Variants in NCALD observed in about 807,000 individuals in gnomAD.
NCALD encodes the protein neurocalcin-delta.
In NCALD, 10 loss-of-function variants were observed where a neutral mutation model predicts 18.6. The observed-to-expected ratio is 0.54, with a 90% confidence interval of 0.33 to 0.91. The LOEUF (loss-of-function observed/expected upper bound fraction) is 0.91. NCALD is among the 40% of genes least tolerant of loss of function. The probability of loss-of-function intolerance (pLI) is 0.03; values close to 1 mark genes in which losing one functional copy is unlikely to be tolerated. For missense variants in NCALD, 184 were observed against 247.6 expected (o/e 0.74, Z 1.72); for synonymous variants, 88 against 87.4 (o/e 1.01, Z -0.04).
In NCALD at chr8:101,819,874, C is replaced by T. The variant is rs73275582; in HGVS notation, c.-20+67267G>A. Reference sequence around the variant, plus strand: ...AGGAGCACAGGAGCAAATGAGCTGGCGGACATTCCAGGAGAATTTCAGACA... The same window carrying T: ...AGGAGCACAGGAGCAAATGAGCTGGTGGACATTCCAGGAGAATTTCAGACA... On this transcript the variant is annotated intron_variant, in intron 4 of 6. Coordinates refer to the NCALD transcript ENST00000311028. Among the ~76,000 whole-genome samples, 196 of 152,296 alleles carry T rather than the reference C, an allele frequency of 1.3e-3. 1 individual carries two copies. Among genetic ancestry groups the T allele is most frequent in the African/African-American group, 4.5e-3 (185 of 41,564 alleles).
At chr8:101,755,879 C>T (rs1427966687) in intron 1 of NCALD, among the ~76,000 whole-genome samples, 1 of 152,116 alleles carries the variant, frequency 6.6e-6, no homozygotes, top group African/African-American at 2.4e-5. Flanking sequence ...ACTCTTTTAC[C>T]AGTGAAAACA....
At chr8:102,081,109 C>T (rs16869057) in intron 1 of NCALD, among the ~76,000 whole-genome samples, 13,314 of 152,136 alleles carry the variant, frequency 0.088, 776 homozygotes, top group South Asian at 0.15. Context: ...TCCCCAAGTT[C>T]GAGAACTACT....
intron 3 of NCALD, among the ~76,000 whole-genome samples, chr8:101,900,434 A>G (rs150872155): frequency 1.7e-3 from 263 of 152,052 alleles, no homozygotes; most frequent in African/African-American, 5.8e-3. Context: ...TTCTTCAGAT[A>G]GGAGCTCAGA....
At chr8:102,101,082 C>A (rs1455194625) in intron 1 of NCALD, among the ~76,000 whole-genome samples, 1 of 152,164 alleles carries the variant, frequency 6.6e-6, no homozygotes, top group African/African-American at 2.4e-5. Context: ...ATACCACGAC[C>A]AGCAACAAAA....
chr8:101,705,665 G>A lies in NCALD; in HGVS notation c.379-12769C>T, dbSNP rs1041845924. The stretch of plus-strand genomic sequence containing the variant: ...CATAAAAGGAGATACAGCTCTGCCT[G>A]GTTCTCTTTCTTGGGACCTGCAGTT... On this transcript the variant is annotated intron_variant, in intron 2 of 3. Transcript: ENST00000220931. Among the ~76,000 whole-genome samples the A allele has an allele frequency of 3.3e-5, 5 of 152,156 alleles. 1 individual carries two copies.
intron 1 of NCALD, among the ~76,000 whole-genome samples, chr8:102,049,241 G>T (rs1823347302): frequency 6.6e-6 from 1 of 152,202 alleles, no homozygotes; most frequent in Non-Finnish European, 1.5e-5. Context: ...ATCCGAGGAT[G>T]CAGAGTGAAG....
At chr8:101,999,363 T>C (rs1388783841) in intron 2 of NCALD, among the ~76,000 whole-genome samples, 1 of 152,186 alleles carries the variant, frequency 6.6e-6, no homozygotes, top group South Asian at 2.1e-4. Context: ...AGTAATGGCA[T>C]TCACAGCAAC....
At position 102,100,005 on chromosome 8, in the gene NCALD, G is replaced by GAAGAAA. The variant is rs1554596979; in HGVS notation, c.-210+24226_-210+24231dup. 3.8e-3 allele frequency among the ~76,000 whole-genome samples: 551 copies of GAAGAAA among 146,624 alleles called. 7 individuals are homozygous for GAAGAAA. Among genetic ancestry groups the GAAGAAA allele is most frequent in the African/African-American group, 8.4e-3 (331 of 39,264 alleles). Reference sequence around the variant, plus strand: ...TCAAAAAAAAAAAAAAGAAGAAGAAGAAGAAAAAGAAATAGCAGTCTCTGA... The same window carrying GAAGAAA: ...TCAAAAAAAAAAAAAAGAAGAAGAAGAAGAAAAAGAAAAAGAAATAGCAGTCTCTGA... On this transcript the variant is annotated intron_variant, in intron 1 of 6. Coordinates refer to the NCALD transcript ENST00000311028.
chr8:101,861,535 T>C (rs1164239500), intron 4 of NCALD, among the ~76,000 whole-genome samples: 2 of 151,296 alleles, frequency 1.3e-5, no homozygotes, highest in African/African-American at 2.4e-5. Flanking sequence ...TTTAAGACCA[T>C]ATATGTGATA....
intron 3 of NCALD, among the ~76,000 whole-genome samples, chr8:101,898,069 C>G (rs1388227925): frequency 6.6e-6 from 1 of 152,180 alleles, no homozygotes; most frequent in East Asian, 1.9e-4. Context: ...TTTGCTTCCC[C>G]TTCAGCCATG....
At chr8:101,887,174 G>GCCTT (rs1401225012) in exon 4 of NCALD, 1 of 152,070 alleles carries the variant, frequency 6.6e-6, no homozygotes, top group Admixed American at 6.6e-5. Context: ...GGATCTCGGG[G>GCCTT]CCTTCCTCGG....
chr8:102,057,240 T>A (rs1409720808), intron 1 of NCALD, among the ~76,000 whole-genome samples: 1 of 143,820 alleles, frequency 7.0e-6, no homozygotes, highest in Non-Finnish European at 1.5e-5. Flanking sequence ...CATTCTCCCT[T>A]CTACTTGGCT....
At position 101,951,961 on chromosome 8, in the gene NCALD, G is replaced by C. The variant is rs957290375; in HGVS notation, c.-156-36103C>G. Among the ~76,000 whole-genome samples the C allele has an allele frequency of 3.3e-5, 5 of 152,378 alleles. No individual in the cohort carries two copies. The East Asian group carries it at 7.7e-4, about 23-fold the overall frequency. ...AGCCATGCCTGGACTAAGCGAGAGA[G>C]AGGAAGGGGTCATCTGGCTAAAGTA... is the stretch of plus-strand genomic sequence containing the variant. On this transcript the variant is annotated intron_variant, in intron 2 of 6. Transcript: ENST00000311028.
chr8:101,933,595 A>G (rs1009258372), intron 2 of NCALD, among the ~76,000 whole-genome samples: 8 of 152,026 alleles, frequency 5.3e-5, no homozygotes, highest in African/African-American at 1.9e-4. Context: ...TGATACAACT[A>G]CCTCTCATCC....
chr8:101,727,287 A>G (rs2130534832), intron 1 of NCALD, among the ~76,000 whole-genome samples: 1 of 152,224 alleles, frequency 6.6e-6, no homozygotes, highest in South Asian at 2.1e-4. Flanking sequence ...TCTTAAATCC[A>G]TTCACTTCTT....
chr8:101,809,717 G>T (rs572061877), intron 4 of NCALD, among the ~76,000 whole-genome samples: 34 of 152,114 alleles, frequency 2.2e-4, no homozygotes, highest in African/African-American at 7.9e-4. Flanking sequence ...GCTAATTTTT[G>T]TATTTTTAAT....
At chr8:102,077,899 A>G (rs1372714615) in intron 1 of NCALD, among the ~76,000 whole-genome samples, 2 of 152,002 alleles carry the variant, frequency 1.3e-5, no homozygotes, top group Non-Finnish European at 2.9e-5. Flanking sequence ...TGCTCTATAC[A>G]CATTCTCTCT....
At chr8:101,879,348 A>C (rs1438196495) in intron 4 of NCALD, among the ~76,000 whole-genome samples, 1 of 152,204 alleles carries the variant, frequency 6.6e-6, no homozygotes, top group African/African-American at 2.4e-5. Flanking sequence ...TGACTTCAGC[A>C]GTGAAGCTGC....
At chr8:101,691,828 C>A (rs751602062) in intron 3 of NCALD, 2 of 985,370 alleles carry the variant, frequency 2.0e-6, no homozygotes, top group Non-Finnish European at 2.4e-6. Context: ...TATAGATCAG[C>A]GCCAGGTGGG....
Sources: gnomAD v4.1 joint callset for allele counts (sites outside exome capture counted in the v4.1 genomes callset) on GRCh38, gnomAD v4.1.1 for gene constraint, MANE v1.5 for transcripts, NCBI Gene and HGNC (gene_info 2026-07-23, HGNC 2026-07-21) for gene names.